Variants in HMCN2 observed in about 807,000 individuals in gnomAD.
The protein encoded by HMCN2 is hemicentin 2.
In HMCN2, 325 loss-of-function variants were observed where a neutral mutation model predicts 377.5. The observed-to-expected ratio is 0.86, with a 90% CI of 0.79 to 0.94. HMCN2 has a LOEUF of 0.94. HMCN2 is among the 40% of genes least tolerant of loss of function. HMCN2 has a pLI of 0.00. For synonymous variants in HMCN2, 2,007 were observed against 2,046.8 expected, an observed-to-expected ratio of 0.98 and a Z score of 0.53; for missense variants, 4,543 against 4,725.3, an observed-to-expected ratio of 0.96 and a Z score of 1.13.
intron 1 of HMCN2, among the ~76,000 whole-genome samples, chr9:130,278,870 C>T (rs2131254952): frequency 6.6e-6 from 1 of 151,056 alleles, no homozygotes; most frequent in African/African-American, 2.4e-5. Context: ...CGTGAGCCAC[C>T]TCACCCAGCC....
intron 1 of HMCN2, among the ~76,000 whole-genome samples, chr9:130,280,774 T>G (rs1456186372): frequency 1.3e-5 from 2 of 152,176 alleles, no homozygotes; most frequent in African/African-American, 4.8e-5. Flanking sequence ...TTAAAGGTTA[T>G]ATACAAAAAT....
chr9:130,356,234 C>A lies in HMCN2; in HGVS notation c.5402C>A (p.Ala1801Asp). 1 of 1,300,764 alleles carries A rather than the reference C, an allele frequency of 7.7e-7. No homozygotes were observed. Among genetic ancestry groups the A allele is most frequent in the Non-Finnish European group, 1.0e-6 (1 of 988,136 alleles). The allele number at this position is 1,300,764 out of a possible 1,614,324, so 80.6% of individuals were successfully genotyped here. The change falls in exon 34 of 98, where the codon GCC becomes GAC. Residue 1801 changes from alanine (A) to aspartate (D), a missense_variant. Physicochemically the swap from Ala to Asp is moderately radical, Grantham distance 126. Around this residue, in one of 5 missense-constraint regions of HMCN2, gnomAD observed 1,032 missense variants for 1,285.1 expected, o/e 0.80. Coordinates refer to ENST00000683500, the MANE Select transcript of HMCN2 (RefSeq NM_001291815.2). ...QATNEAGTAG[A>D]EVEVSVHEFP... ...ACCAATGAGGCGGGCACTGCCGGGG[C>A]CGAGGTGGAGGTGTCTGTGCATGGT...
chr9:130,364,326 A>G (rs563849066), intron 40 of HMCN2, among the ~76,000 whole-genome samples: 12 of 152,360 alleles, frequency 7.9e-5, no homozygotes, highest in African/African-American at 2.4e-4. Context: ...CCTTCCTGCA[A>G]AGCTGCACTG....
chr9:130,278,795 G>GGA (rs1554924491), intron 1 of HMCN2, among the ~76,000 whole-genome samples: 1 of 150,730 alleles, frequency 6.6e-6, no homozygotes, highest in Non-Finnish European at 1.5e-5. Context: ...TGGTCAGGCT[G>GGA]GTCTTGAGCT....
At chr9:130,301,469 G>A (rs960842659) in intron 8 of HMCN2, among the ~76,000 whole-genome samples, 3 of 152,176 alleles carry the variant, frequency 2.0e-5, no homozygotes, top group Non-Finnish European at 4.4e-5. Context: ...CTGGAATTTC[G>A]CCTTGTAGCA....
chr9:130,432,833 C>G (rs549878456), intron 97 of HMCN2: 7 of 505,824 alleles, frequency 1.4e-5, no homozygotes, highest in Non-Finnish European at 2.5e-5. Flanking sequence ...ACGCCACTCA[C>G]AGCGGCCACG....
chr9:130,348,290 T>C (rs926949459), intron 26 of HMCN2, among the ~76,000 whole-genome samples: 1 of 152,234 alleles, frequency 6.6e-6, no homozygotes, highest in South Asian at 2.1e-4. Flanking sequence ...CTAAGGGGAC[T>C]CCAGCACCTT....
In HMCN2 at chr9:130,384,715, G is replaced by C; in HGVS notation, c.9023G>C (p.Arg3008Pro). The C allele has an allele frequency of 1.5e-6, 2 of 1,302,542 alleles. No homozygotes were observed. The highest frequency in any genetic ancestry group is 1.2e-5 in the South Asian group (1 of 81,028). 80.7% of individuals were successfully genotyped at this position (1,302,542 alleles called of 1,614,324 possible). ...GTHTLQLGRARLSDSGMYTCE... is the reference protein window; with the variant it reads ...GTHTLQLGRAPLSDSGMYTCE... ...CACACGCTGCAGCTGGGGAGAGCAC[G>C]GCTGTCGGACTCCGGGATGTACACA... The change falls in exon 59 of 98, where the codon CGG becomes CCG. Residue 3008 changes from arginine to proline, a missense_variant. This residue lies in a region of HMCN2 where 736 missense variants were observed against 773.2 expected (regional missense o/e 0.95). Coordinates refer to ENST00000683500, the MANE Select transcript of HMCN2 (RefSeq NM_001291815.2).
chr9:130,355,983 G>T (rs1204809728), intron 33 of HMCN2, 105 bp from the exon 34 acceptor site: 86 of 913,938 alleles, frequency 9.4e-5, no homozygotes, highest in Non-Finnish European at 1.2e-4. Flanking sequence ...TGGAGCCACG[G>T]CTGGTGAGAG....
chr9:130,411,598 CAAAAA>C (rs35719589), intron 85 of HMCN2, among the ~76,000 whole-genome samples: 247 of 97,774 alleles, frequency 2.5e-3, no homozygotes, highest in Middle Eastern at 0.013. Flanking sequence ...GACTCAATCT[CAAAAA>C]AAAAAAAAAA....
chr9:130,427,707 C>T, intron 92 of HMCN2, 88 bp downstream of exon 92: 6 of 1,438,360 alleles, frequency 4.2e-6, no homozygotes, highest in African/African-American at 1.4e-5. Context: ...AGGACCCTGG[C>T]TGGGGACACA....
intron 22 of HMCN2, among the ~76,000 whole-genome samples, chr9:130,331,615 C>T (rs1838432325): frequency 6.6e-6 from 1 of 152,166 alleles, no homozygotes; most frequent in East Asian, 1.9e-4. Context: ...CCCCTCTCCC[C>T]TCCCTGGGCC....
rs1403024970 is a variant in HMCN2, at chr9:130,427,313, A to G, written c.13880A>G (p.Glu4627Gly). ...RFQLATALQAEENEVGCPEGF... is the reference protein window; with the variant it reads ...RFQLATALQAGENEVGCPEGF... ...AGAGTCTATCCTCTTTGCTTTGCAG[A>G]GGAGAACGAGGTCGGCTGCCCCGAG... The change falls in exon 91 of 98, where the codon GAG (glutamate) becomes GGG (glycine). Residue 4627 changes from glutamate to glycine, a missense_variant and splice_region_variant. Glu to Gly is a moderately conservative substitution (Grantham distance 98). Around this residue, in one of 5 missense-constraint regions of HMCN2, gnomAD observed 1,155 missense variants for 1,157.7 expected, o/e 1.00. Coordinates refer to ENST00000683500, the MANE Select transcript of HMCN2 (RefSeq NM_001291815.2). 6.4e-7 allele frequency: 1 copy of G among 1,550,514 alleles called. No homozygotes were observed.
chr9:130,291,284 A>G (rs1315707879), intron 4 of HMCN2, among the ~76,000 whole-genome samples: 2 of 152,170 alleles, frequency 1.3e-5, no homozygotes, highest in African/African-American at 4.8e-5. Flanking sequence ...ATCTCAGCTC[A>G]CTGCAAACTC....
In HMCN2 at chr9:130,391,070, C is replaced by T. The variant is rs995449385; in HGVS notation, c.9617C>T (p.Ala3206Val). Residue 3206 changes from alanine (A) to valine (V), a missense_variant, in exon 63 of 98, where the codon GCT becomes GTT. Transcript: ENST00000683500. ...CAGGCGGGCACCTACACGTGCGTGGCTGAGAACACCCAGGCTGAGGCCCGC... is the reference window on the plus strand; with the variant it reads ...CAGGCGGGCACCTACACGTGCGTGGTTGAGAACACCCAGGCTGAGGCCCGC... ...PAQAGTYTCV[A>V]ENTQAEARKD... 4.0e-5 allele frequency: 40 copies of T among 987,806 alleles called. No homozygotes were observed. Among genetic ancestry groups the T allele is most frequent in the Non-Finnish European group, 4.7e-5 (39 of 830,332 alleles). 61.2% of individuals were successfully genotyped at this position (987,806 alleles called of 1,614,324 possible). A position where few individuals can be genotyped will look rare whatever the true frequency, so the allele number is the denominator to read the frequency against.
intron 1 of HMCN2, 83 bp downstream of exon 1, chr9:130,266,220 C>T: frequency 2.6e-6 from 1 of 387,312 alleles, no homozygotes; most frequent in South Asian, 1.9e-5. Context: ...GCCCCGAACG[C>T]ACCTGGACGT....
Position 130,360,456 on chromosome 9 carries a change from T to C in HMCN2, c.5802T>C (p.Pro1934=), listed in dbSNP as rs1015153950. The change falls in exon 38 of 98, where the codon CCT becomes CCC. Residue 1934 remains proline, a synonymous_variant. Transcript: ENST00000683500. This position sits in a 1 kb window ranked among gnomAD's most constrained non-coding sequence, Gnocchi z 4.7. ...PDVSWFKGHQ[P]VSSWMGVTVS... ...TCTCCTGGTTCAAGGGCCACCAACC[T>C]GTCTCTTCATGGATGGGAGTGACAG... 1.5e-6 allele frequency: 2 copies of C among 1,302,638 alleles called. No individual in the cohort carries two copies. Among genetic ancestry groups the C allele is most frequent in the Non-Finnish European group, 2.0e-6 (2 of 988,042 alleles). The allele number at this position is 1,302,638 out of a possible 1,614,324, so 80.7% of individuals were successfully genotyped here.
At chr9:130,372,947 C>T (rs1841109986) in intron 47 of HMCN2, 91 bp from the exon 48 acceptor site, 2 of 224,182 alleles carry the variant, frequency 8.9e-6, no homozygotes, top group Admixed American at 1.3e-4. Flanking sequence ...ACGGTGGGCT[C>T]TTGGCTTCTT....
At position 130,364,697 on chromosome 9, in the gene HMCN2, C is replaced by T; in HGVS notation, c.6233-17C>T. The T allele has an allele frequency of 2.0e-6, 2 of 985,700 alleles. No individual in the cohort carries two copies. The highest frequency in any genetic ancestry group is 2.4e-6 in the Non-Finnish European group (2 of 829,734). The allele number at this position is 985,700 out of a possible 1,614,324, so 61.1% of individuals were successfully genotyped here. Reference sequence around the variant, plus strand: ...CCCATGTGCCTGAGGGAGCCCTTCTCCTGCCCCCTCCTGCAGTGCCCCCGA... The same window carrying T: ...CCCATGTGCCTGAGGGAGCCCTTCTTCTGCCCCCTCCTGCAGTGCCCCCGA... On this transcript the variant is annotated splice_polypyrimidine_tract_variant and intron_variant, in intron 40 of 97. Coordinates refer to ENST00000683500, the MANE Select transcript of HMCN2 (RefSeq NM_001291815.2).
Sources: gnomAD v4.1 joint callset for allele counts (sites outside exome capture counted in the v4.1 genomes callset) on GRCh38, gnomAD v4.1.1 for gene constraint, gnomAD v4.1.1 regional missense constraint, Gnocchi (gnomAD v3.1) non-coding constraint, MANE v1.5 for transcripts, NCBI Gene and HGNC (gene_info 2026-07-23, HGNC 2026-07-21) for gene names.